ATP13A3: variants seen among roughly 807,000 people sequenced by gnomAD.
The protein encoded by ATP13A3 is ATPase 13A3.
In ATP13A3, 59 loss-of-function variants were observed where a neutral mutation model predicts 158.1. The observed-to-expected ratio is 0.37, with a 90% CI of 0.30 to 0.46. The LOEUF (loss-of-function observed/expected upper bound fraction) is 0.46, where lower values mean the gene tolerates loss of function less well. ATP13A3 is among the 20% of genes least tolerant of loss of function. The pLI is 1.00. For synonymous variants in ATP13A3, 491 were observed against 504.3 expected (o/e 0.97, Z 0.35); for missense variants, 1,166 against 1,525.2 (o/e 0.76, Z 3.92).
At chr3:194,490,089 G>C (rs1353626337), upstream of ATP13A3, among the ~76,000 whole-genome samples, 2 of 152,104 alleles carry the variant, frequency 1.3e-5, no homozygotes, top group South Asian at 2.1e-4. The surrounding 1 kb of genome is among the most constrained non-coding windows in gnomAD (Gnocchi z 4.4). Flanking sequence ...AGGCTATTTT[G>C]CATCTTCTTC....
intron 2 of ATP13A3, among the ~76,000 whole-genome samples, chr3:194,482,944 A>G (rs903260695): frequency 3.3e-5 from 5 of 152,074 alleles, no homozygotes; most frequent in African/African-American, 9.7e-5. Context: ...AGTCTCTACT[A>G]AAGATACAAA....
intron 29 of ATP13A3, 71 bp from the exon 30 acceptor site, chr3:194,425,600 C>G: frequency 1.6e-6 from 2 of 1,224,970 alleles, no homozygotes; most frequent in Non-Finnish European, 2.3e-6. Flanking sequence ...CCAATCTTAC[C>G]TTAATTGCCC....
In ATP13A3 at chr3:194,459,471, T is replaced by A; in HGVS notation, c.479A>T (p.Lys160Met). The change falls in exon 6 of 34, where the codon AAG becomes ATG. Residue 160 changes from lysine (K) to methionine (M), a missense_variant and splice_region_variant. Physicochemically the swap from Lys to Met is moderately conservative, Grantham distance 95. Transcript: ENST00000645319. ...ATCCAAACAAAAGGAAGATACTTAC[T>A]TTAAGAAATCAAAATTGTGAATGGT... ...NDTIHNFDFLKGLDEGVSCTS... is the reference protein window; with the variant it reads ...NDTIHNFDFLMGLDEGVSCTS... 3.2e-6 allele frequency: 5 copies of A among 1,564,322 alleles called. No individual in the cohort carries two copies. Among genetic ancestry groups the A allele is most frequent in the Non-Finnish European group, 4.4e-6 (5 of 1,135,478 alleles).
At chr3:194,443,928 A>T (rs1334105952) in intron 15 of ATP13A3, among the ~76,000 whole-genome samples, 1 of 152,210 alleles carries the variant, frequency 6.6e-6, no homozygotes, top group Non-Finnish European at 1.5e-5. Context: ...AACACACAAT[A>T]CACAGAAGAA....
At chr3:194,418,236 T>A (rs183158904) in intron 31 of ATP13A3, among the ~76,000 whole-genome samples, 1 of 152,228 alleles carries the variant, frequency 6.6e-6, no homozygotes, top group Admixed American at 6.5e-5. Flanking sequence ...TGTGAGAGTA[T>A]CTTTATAACT....
In ATP13A3 at chr3:194,450,215, A is replaced by T. The variant is rs1718708069; in HGVS notation, c.900T>A (p.Asn300Lys). ...CAGCATCACAAGGCATTATTGTCCCATTTAATGGAATGACCATGACATCTC... is the reference window on the plus strand; with the variant it reads ...CAGCATCACAAGGCATTATTGTCCCTTTTAATGGAATGACCATGACATCTC... ...VPGDVMVIPL[N>K]GTIMPCDAVL... The change falls in exon 11 of 34, where the codon AAT (asparagine) becomes AAA (lysine). Residue 300 changes from asparagine to lysine, a missense_variant. Asn to Lys is a moderately conservative substitution (Grantham distance 94). Around this residue, in one of 3 missense-constraint regions of ATP13A3, gnomAD observed 997 missense variants for 1,341.2 expected, o/e 0.74. Transcript: ENST00000645319. The T allele has an allele frequency of 1.9e-6, 3 of 1,613,464 alleles. No individual in the cohort carries two copies. Among genetic ancestry groups the T allele is most frequent in the Non-Finnish European group, 2.5e-6 (3 of 1,179,528 alleles).
At chr3:194,459,312 T>G in intron 6 of ATP13A3, 159 bp downstream of exon 6, 2 of 618,084 alleles carry the variant, frequency 3.2e-6, no homozygotes, top group Non-Finnish European at 2.9e-6. Flanking sequence ...AAATGGCTAA[T>G]GAGCCTTCAA....
chr3:194,428,220 C>CA (rs1188178641), intron 28 of ATP13A3, among the ~76,000 whole-genome samples: 2,473 of 57,652 alleles, frequency 0.043, 38 homozygotes, highest in Non-Finnish European at 0.059. Flanking sequence ...GACTCTGTCT[C>CA]AAAAAAAAAA....
intron 33 of ATP13A3, among the ~76,000 whole-genome samples, chr3:194,410,342 T>C (rs1715311913): frequency 8.9e-6 from 1 of 112,730 alleles, no homozygotes; most frequent in African/African-American, 3.2e-5. Flanking sequence ...CTGCTGGGCC[T>C]GGGATGGCAT....
At chr3:194,425,697 G>A (rs1716718186) in intron 29 of ATP13A3, among the ~76,000 whole-genome samples, 168 bp from the exon 30 acceptor site, 1 of 152,130 alleles carries the variant, frequency 6.6e-6, no homozygotes, top group South Asian at 2.1e-4. Flanking sequence ...ACAGGTACAA[G>A]AGTATGAAGG....
chr3:194,426,544 T>TA (rs1716787260), intron 29 of ATP13A3, among the ~76,000 whole-genome samples: 1 of 152,132 alleles, frequency 6.6e-6, no homozygotes, highest in Non-Finnish European at 1.5e-5. Context: ...ATTTTACAGA[T>TA]AAGTAAGGCT....
intron 10 of ATP13A3, among the ~76,000 whole-genome samples, 172 bp downstream of exon 10, chr3:194,453,534 G>A (rs989599598): frequency 6.6e-6 from 1 of 152,182 alleles, no homozygotes; most frequent in Non-Finnish European, 1.5e-5. Flanking sequence ...GGGAGGTCAA[G>A]GCTGCAGTAA....
At chr3:194,490,001 C>CA (rs766248261), upstream of ATP13A3, among the ~76,000 whole-genome samples, 32 of 152,298 alleles carry the variant, frequency 2.1e-4, no homozygotes, top group East Asian at 4.8e-3. This position sits in a 1 kb window ranked among gnomAD's most constrained non-coding sequence, Gnocchi z 4.4. Context: ...TGATCCTACT[C>CA]ACTGTAAGCA....
chr3:194,465,106 C>A (rs73071167), intron 2 of ATP13A3, among the ~76,000 whole-genome samples: 2,502 of 152,186 alleles, frequency 0.016, 75 homozygotes, highest in African/African-American at 0.057. Context: ...TTTCAAGGAA[C>A]TGGACATCAG....
rs750698354 is a variant in ATP13A3 at position 194,454,252 on chromosome 3, A to C, written c.765+6T>G. On this transcript the variant is annotated splice_donor_region_variant and intron_variant, in intron 9 of 33. Transcript: ENST00000645319. The stretch of plus-strand genomic sequence containing the variant: ...GTTGTGAAACCCATAATAAATTTGA[A>C]CTTACCTTTCTAATGGAATATAGTG... 2 of 1,596,716 alleles carry C rather than the reference A, an allele frequency of 1.3e-6. No homozygotes were observed. The highest frequency in any genetic ancestry group is 2.7e-5 in the African/African-American group (2 of 74,184).
intron 2 of ATP13A3, among the ~76,000 whole-genome samples, chr3:194,493,176 C>G (rs1166930629): frequency 6.6e-6 from 1 of 151,334 alleles, no homozygotes; most frequent in East Asian, 2.0e-4. Flanking sequence ...CCCAAACCAT[C>G]TCTTTGTGCT....
chr3:194,410,335 C>T (rs112455147), intron 33 of ATP13A3, among the ~76,000 whole-genome samples: 12 of 65,722 alleles, frequency 1.8e-4, no homozygotes, highest in African/African-American at 5.2e-4. Flanking sequence ...AAAAAAACTG[C>T]TGGGCCTGGG....
chr3:194,481,678 C>T (rs1363282552), intron 2 of ATP13A3, among the ~76,000 whole-genome samples: 3 of 152,166 alleles, frequency 2.0e-5, no homozygotes, highest in Non-Finnish European at 4.4e-5. Flanking sequence ...CCTTACCACC[C>T]AACATCAGTT....
chr3:194,470,804 T>C (rs905591398), intron 2 of ATP13A3, among the ~76,000 whole-genome samples: 1 of 152,200 alleles, frequency 6.6e-6, no homozygotes, highest in Non-Finnish European at 1.5e-5. Flanking sequence ...CTAGATAGAT[T>C]TCAAAACATT....
Sources: gnomAD v4.1 joint callset for allele counts (sites outside exome capture counted in the v4.1 genomes callset) on GRCh38, gnomAD v4.1.1 for gene constraint, gnomAD v4.1.1 regional missense constraint, Gnocchi (gnomAD v3.1) non-coding constraint, MANE v1.5 for transcripts, NCBI Gene and HGNC (gene_info 2026-07-23, HGNC 2026-07-21) for gene names.